Variants in ALCAM observed in about 807,000 individuals in gnomAD.
ALCAM encodes activated leukocyte cell adhesion molecule, also known as CD166 antigen.
A neutral mutation model predicts 70.9 loss-of-function variants in ALCAM; 30 were observed. The ratio of observed to expected loss-of-function variants is 0.42; its 90% confidence interval spans 0.32 to 0.57. ALCAM has a LOEUF of 0.57. Ranked by LOEUF, ALCAM falls within the 20% of genes least tolerant of loss-of-function variation. ALCAM has a pLI of 0.11. For missense variants in ALCAM, 591 were observed against 695.1 expected (o/e 0.85, Z 1.68); for synonymous variants, 249 against 242.5 (o/e 1.03, Z -0.25).
intron 1 of ALCAM, among the ~76,000 whole-genome samples, chr3:105,419,282 G>A (rs911193427): frequency 3.3e-5 from 5 of 151,710 alleles, no homozygotes; most frequent in South Asian, 4.2e-4. Flanking sequence ...TTAAATAGAC[G>A]ACTTGATTTC....
intron 1 of ALCAM, among the ~76,000 whole-genome samples, chr3:105,497,113 C>T (rs1047570171): frequency 3.9e-5 from 6 of 152,054 alleles, no homozygotes; most frequent in African/African-American, 7.2e-5. Flanking sequence ...AGTGTATTCT[C>T]ACCTAAACCC....
chr3:105,524,289 G>A lies in ALCAM; in HGVS notation c.175G>A (p.Glu59Lys). 2.5e-6 allele frequency: 4 copies of A among 1,610,070 alleles called. No homozygotes were observed. The highest frequency in any genetic ancestry group is 3.4e-6 in the Non-Finnish European group (4 of 1,178,072). ...AATGTATTATTATTTTAATTTTTAGGAAAAGCCCGATGGCTCCCCAGTATT... is the reference window on the plus strand; with the variant it reads ...AATGTATTATTATTTTAATTTTTAGAAAAAGCCCGATGGCTCCCCAGTATT... Reference protein sequence around the residue: ...QNLMFGKWKYEKPDGSPVFIA... With the variant: ...QNLMFGKWKYKKPDGSPVFIA... Residue 59 changes from glutamate to lysine, a missense_variant and splice_region_variant, in exon 3 of 16, where the codon GAA becomes AAA. Transcript: ENST00000306107.
At chr3:105,432,104 T>C (rs1936947821) in intron 1 of ALCAM, among the ~76,000 whole-genome samples, 1 of 152,180 alleles carries the variant, frequency 6.6e-6, no homozygotes, top group Admixed American at 6.5e-5. Flanking sequence ...TCTTAGAGAA[T>C]ATTCAGTAAA....
chr3:105,552,933 A>G, intron 14 of ALCAM: 1 of 1,081,370 alleles, frequency 9.2e-7, no homozygotes, highest in South Asian at 2.7e-5. Context: ...GATTCATTAA[A>G]AGTACCTAGT....
chr3:105,403,773 A>G (rs568827793), intron 1 of ALCAM, among the ~76,000 whole-genome samples: 19 of 152,128 alleles, frequency 1.2e-4, no homozygotes, highest in Admixed American at 2.6e-4. Flanking sequence ...TAGAAGGTTG[A>G]TTATTAAGCT....
chr3:105,472,463 A>T (rs1291792373), intron 1 of ALCAM, among the ~76,000 whole-genome samples: 1 of 151,524 alleles, frequency 6.6e-6, no homozygotes, highest in Non-Finnish European at 1.5e-5. Context: ...TCCTAAGGTT[A>T]TCATTTCTGC....
At chr3:105,389,773 C>A (rs1291484119) in intron 1 of ALCAM, among the ~76,000 whole-genome samples, 1 of 148,398 alleles carries the variant, frequency 6.7e-6, no homozygotes, top group Admixed American at 6.8e-5. Flanking sequence ...TGTGTGTTGT[C>A]CCCCTCCCTG....
chr3:105,482,269 C>T (rs571521811), intron 1 of ALCAM, among the ~76,000 whole-genome samples: 5 of 152,054 alleles, frequency 3.3e-5, no homozygotes, highest in Non-Finnish European at 7.4e-5. Context: ...TGTGCCATCA[C>T]GCTGGCTAAT....
chr3:105,531,155 A>G (rs1380479754), intron 3 of ALCAM: 2 of 152,098 alleles, frequency 1.3e-5, no homozygotes, highest in African/African-American at 4.8e-5. Context: ...AAAAGCGCAA[A>G]ATCCATCATT....
intron 1 of ALCAM, among the ~76,000 whole-genome samples, chr3:105,472,762 C>CTA (rs1227508241): frequency 6.6e-6 from 1 of 151,462 alleles, no homozygotes. Context: ...AGAGCTAGAA[C>CTA]ACACATTCTC....
At position 105,547,503 on chromosome 3, in the gene ALCAM, A is replaced by G. The variant is rs774882459; in HGVS notation, c.1354A>G (p.Ser452Gly). 1.4e-5 allele frequency: 22 copies of G among 1,609,864 alleles called. No homozygotes were observed. The East Asian group carries it at 4.9e-4, about 36-fold the overall frequency. ...KPAIQWTITG[S>G]GSVINQTEES... The stretch of plus-strand genomic sequence containing the variant: ...AGCCATTCAATGGACAATTACTGGC[A>G]GTGGAAGCGTCATAAACCAAGCAAG... The change falls in exon 11 of 16, where the codon AGT (serine) becomes GGT (glycine). Residue 452 changes from serine (S) to glycine (G), a missense_variant. This residue lies in a region of ALCAM where 164 missense variants were observed against 244.7 expected (regional missense o/e 0.67). Coordinates refer to ENST00000306107, the MANE Select transcript of ALCAM (RefSeq NM_001627.4).
At chr3:105,470,184 G>C (rs1442749381) in intron 1 of ALCAM, among the ~76,000 whole-genome samples, 1 of 146,498 alleles carries the variant, frequency 6.8e-6, no homozygotes. Context: ...GTTGATACCT[G>C]GTAACTATTC....
At chr3:105,410,915 T>A (rs1168287921) in intron 1 of ALCAM, among the ~76,000 whole-genome samples, 2 of 152,084 alleles carry the variant, frequency 1.3e-5, no homozygotes, top group Non-Finnish European at 2.9e-5. Flanking sequence ...AAAAGTGTAA[T>A]TTTTCCCATT....
chr3:105,574,033 T>A (rs1465269497), intron 15 of ALCAM, among the ~76,000 whole-genome samples: 1 of 152,162 alleles, frequency 6.6e-6, no homozygotes, highest in African/African-American at 2.4e-5. Flanking sequence ...CCCACATGAC[T>A]TTTTTTGTTT....
At chr3:105,409,146 C>T (rs1252995158) in intron 1 of ALCAM, among the ~76,000 whole-genome samples, 1 of 151,970 alleles carries the variant, frequency 6.6e-6, no homozygotes, top group Admixed American at 6.6e-5. Flanking sequence ...GTGGAGATTC[C>T]TTAAAAACTA....
chr3:105,500,227 CG>C (rs11333135), intron 1 of ALCAM, among the ~76,000 whole-genome samples: 146,293 of 152,236 alleles, frequency 0.96, 70,543 homozygotes, highest in East Asian at 1. Flanking sequence ...CATATTAATA[CG>C]ACAAAGAATG....
chr3:105,456,672 C>A (rs1937538985), intron 1 of ALCAM, among the ~76,000 whole-genome samples: 1 of 152,004 alleles, frequency 6.6e-6, no homozygotes, highest in Non-Finnish European at 1.5e-5. Context: ...CAGTAGAGTT[C>A]ATAGATAGAT....
At chr3:105,386,536 C>A (rs186278223) in intron 1 of ALCAM, among the ~76,000 whole-genome samples, 98 of 151,516 alleles carry the variant, frequency 6.5e-4, no homozygotes, top group Non-Finnish European at 1.1e-3. Context: ...ATCCCTATTC[C>A]CCATGGGTCC....
chr3:105,391,480 C>CTTAAGGAGAT (rs1323282679), intron 1 of ALCAM, among the ~76,000 whole-genome samples: 1 of 150,570 alleles, frequency 6.6e-6, no homozygotes, highest in Non-Finnish European at 1.5e-5. Flanking sequence ...TGCTTATCAG[C>CTTAAGGAGAT]TTTGGGGCTA....
Sources: gnomAD v4.1 joint callset for allele counts (sites outside exome capture counted in the v4.1 genomes callset) on GRCh38, gnomAD v4.1.1 for gene constraint, gnomAD v4.1.1 regional missense constraint, MANE v1.5 for transcripts, NCBI Gene and HGNC (gene_info 2026-07-23, HGNC 2026-07-21) for gene names.